SDK1: variants seen among roughly 807,000 people sequenced by gnomAD.
The protein encoded by SDK1 is sidekick cell adhesion molecule 1.
A neutral mutation model predicts 245.5 loss-of-function variants in SDK1; 157 were observed. That is an observed-to-expected ratio of 0.64 (90% CI 0.56 to 0.73). SDK1 has a LOEUF of 0.73. Among genes scored for constraint, SDK1 ranks in the 30% least tolerant of loss-of-function variants. The pLI is 0.00. For missense variants in SDK1, 3,583 were observed against 3,002.3 expected, an observed-to-expected ratio of 1.19 and a Z score of -4.52; for synonymous variants, 1,647 against 1,278.5, an observed-to-expected ratio of 1.29 and a Z score of -6.15.
intron 40 of SDK1, among the ~76,000 whole-genome samples, chr7:4,225,443 C>G (rs1363631401): frequency 6.6e-6 from 1 of 152,182 alleles, no homozygotes; most frequent in Admixed American, 6.5e-5. Context: ...ACCAGCCAGA[C>G]ACGGGTGCCT....
intron 5 of SDK1, among the ~76,000 whole-genome samples, chr7:3,836,651 C>A (rs1455630382): frequency 6.6e-6 from 1 of 152,174 alleles, no homozygotes; most frequent in Non-Finnish European, 1.5e-5. Context: ...CACAAACACC[C>A]AACTTAAGAA....
intron 4 of SDK1, among the ~76,000 whole-genome samples, chr7:3,655,501 A>ATGTATG (rs1554303531): frequency 6.1e-4 from 32 of 52,766 alleles, no homozygotes; most frequent in African/African-American, 1.0e-3. Flanking sequence ...ATATATATAT[A>ATGTATG]TATGTATGTA....
At chr7:4,240,260 C>T (rs1423561156) in intron 42 of SDK1, among the ~76,000 whole-genome samples, 2 of 152,118 alleles carry the variant, frequency 1.3e-5, no homozygotes, top group East Asian at 3.9e-4. Flanking sequence ...CTCAGCCGCA[C>T]CCTGGAGTGT....
intron 1 of SDK1, among the ~76,000 whole-genome samples, chr7:3,429,665 C>T (rs1452632548): frequency 6.7e-6 from 1 of 150,308 alleles, no homozygotes; most frequent in African/African-American, 2.5e-5. Flanking sequence ...GGCACAATCT[C>T]AGTTTACTGC....
intron 1 of SDK1, among the ~76,000 whole-genome samples, chr7:3,377,597 G>A (rs956141089): frequency 6.6e-6 from 1 of 152,014 alleles, no homozygotes; most frequent in South Asian, 2.1e-4. Context: ...TGTGTCTGTT[G>A]TAACAGTTCT....
intron 44 of SDK1, among the ~76,000 whole-genome samples, chr7:4,259,597 G>A (rs184816763): frequency 1.2e-4 from 19 of 152,266 alleles, no homozygotes; most frequent in African/African-American, 3.9e-4. Context: ...AGCGCTTGGC[G>A]ACCAAACACA....
At chr7:3,836,234 A>G (rs1780025656) in intron 5 of SDK1, among the ~76,000 whole-genome samples, 1 of 152,244 alleles carries the variant, frequency 6.6e-6, no homozygotes. Context: ...TGCTTTACAA[A>G]TGAGCTATAA....
At chr7:4,081,884 C>G (rs1367449764) in intron 22 of SDK1, among the ~76,000 whole-genome samples, 1 of 152,184 alleles carries the variant, frequency 6.6e-6, no homozygotes, top group African/African-American at 2.4e-5. Flanking sequence ...ATATTTCAGA[C>G]CACATGTCAC....
chr7:3,903,381 T>C (rs1007738420), intron 5 of SDK1, among the ~76,000 whole-genome samples: 9 of 152,164 alleles, frequency 5.9e-5, no homozygotes, highest in South Asian at 2.1e-4. Flanking sequence ...CTGCTGACCT[T>C]GTGATCCGCC....
At position 3,907,667 on chromosome 7, in the gene SDK1, G is replaced by A. The variant is rs945579152; in HGVS notation, c.848-43256G>A. Among the ~76,000 whole-genome samples the A allele has an allele frequency of 3.9e-5, 6 of 152,316 alleles. No homozygotes were observed. In the South Asian group the frequency reaches 8.3e-4, roughly 21 times the overall value. On this transcript the variant is annotated intron_variant, in intron 5 of 44. Coordinates refer to ENST00000404826, the MANE Select transcript of SDK1 (RefSeq NM_152744.4). ...TTACTGAATCTTATAGCAACTTTGC[G>A]TTTTTAAAACAGACTCTTACCAAAA...
At chr7:3,726,126 A>G (rs1410637483) in intron 4 of SDK1, among the ~76,000 whole-genome samples, 4 of 152,214 alleles carry the variant, frequency 2.6e-5, no homozygotes, top group Non-Finnish European at 4.4e-5. Context: ...TTTCGACTTT[A>G]TAGAGAAGGA....
intron 35 of SDK1, 89 bp downstream of exon 35, chr7:4,178,675 T>C: frequency 1.1e-6 from 1 of 880,504 alleles, no homozygotes; most frequent in Non-Finnish European, 1.9e-6. Flanking sequence ...CCCTCAGGTG[T>C]CCAGCAGCGT....
In SDK1 at chr7:3,612,070, A is replaced by G. The variant is rs1056481396; in HGVS notation, c.299-7010A>G. Among the ~76,000 whole-genome samples, 13 of 152,088 alleles carry G rather than the reference A, an allele frequency of 8.5e-5. No individual in the cohort carries two copies. The East Asian group carries it at 1.6e-3, about 18-fold the overall frequency. On this transcript the variant is annotated intron_variant, in intron 1 of 44. Transcript: ENST00000404826. ...TGTGAGGATGCCTAAGAATGATACA[A>G]TGGACTTTGGGGACTTGTGGGAAAG...
intron 1 of SDK1, among the ~76,000 whole-genome samples, chr7:3,408,937 T>C (rs190636285): frequency 1.7e-3 from 255 of 152,330 alleles, no homozygotes; most frequent in Middle Eastern, 6.8e-3. Flanking sequence ...ACAGTTCTTA[T>C]TGCATTTCAA....
chr7:4,186,526 G>A (rs1263837493), intron 35 of SDK1, among the ~76,000 whole-genome samples: 3 of 152,248 alleles, frequency 2.0e-5, no homozygotes, highest in East Asian at 1.9e-4. Flanking sequence ...CCCTTAGCTC[G>A]TCCCCGGAGC....
At chr7:3,842,033 G>A (rs901693955) in intron 5 of SDK1, among the ~76,000 whole-genome samples, 1 of 152,226 alleles carries the variant, frequency 6.6e-6, no homozygotes, top group Non-Finnish European at 1.5e-5. Flanking sequence ...TCAGGGGTAA[G>A]GGATCCTTTT....
At chr7:3,955,596 A>G (rs1393337758) in intron 7 of SDK1, among the ~76,000 whole-genome samples, 7 of 152,194 alleles carry the variant, frequency 4.6e-5, no homozygotes, top group Admixed American at 2.6e-4. Context: ...AGCCGAGGGC[A>G]TGCGTGGGAC....
chr7:4,146,468 C>G (rs909143666), intron 29 of SDK1, among the ~76,000 whole-genome samples: 2 of 152,076 alleles, frequency 1.3e-5, no homozygotes, highest in African/African-American at 4.8e-5. Context: ...CTTTCAGCCT[C>G]ACACCTGCTC....
chr7:4,025,444 C>T (rs577070842), intron 17 of SDK1, among the ~76,000 whole-genome samples: 3 of 152,278 alleles, frequency 2.0e-5, no homozygotes, highest in African/African-American at 7.2e-5. Flanking sequence ...GCATCTGTAT[C>T]GGTGCAGATC....
Sources: allele counts gnomAD v4.1 joint callset (sites outside exome capture counted in the v4.1 genomes callset), GRCh38; gene constraint gnomAD v4.1.1; transcripts MANE v1.5; gene names NCBI Gene and HGNC (gene_info 2026-07-23, HGNC 2026-07-21).